Variants in SORCS2 observed in about 807,000 individuals in gnomAD.
SORCS2 encodes sortilin related VPS10 domain containing receptor 2.
In SORCS2, 100 loss-of-function variants were observed where a neutral mutation model predicts 141.6. The observed-to-expected ratio is 0.71, with a 90% CI of 0.60 to 0.83. The LOEUF is 0.83. Among genes scored for constraint, SORCS2 ranks in the 40% least tolerant of loss-of-function variants. The probability of loss-of-function intolerance (pLI) is 0.00; values close to 1 mark genes in which losing one functional copy is unlikely to be tolerated. For synonymous variants in SORCS2, 789 were observed against 676.9 expected, an observed-to-expected ratio of 1.17 and a Z score of -2.57; for missense variants, 1,646 against 1,560.2, an observed-to-expected ratio of 1.05 and a Z score of -0.93.
intron 5 of SORCS2, among the ~76,000 whole-genome samples, chr4:7,660,352 A>G (rs1284248414): frequency 6.6e-6 from 1 of 152,158 alleles, no homozygotes; most frequent in Non-Finnish European, 1.5e-5. Context: ...GGGCAGCTAC[A>G]GTGTCTCCTT....
intron 2 of SORCS2, among the ~76,000 whole-genome samples, chr4:7,478,540 C>A (rs369169049): frequency 1.3e-5 from 2 of 152,266 alleles, no homozygotes; most frequent in East Asian, 1.9e-4. Context: ...CTGTCATGTT[C>A]TCCGCTGAGT....
At chr4:7,374,107 G>T (rs971751369) in intron 1 of SORCS2, among the ~76,000 whole-genome samples, 6 of 148,366 alleles carry the variant, frequency 4.0e-5, no homozygotes, top group Non-Finnish European at 6.0e-5. Flanking sequence ...TTAGGATTGA[G>T]ATTCTTTCTT....
In SORCS2 at chr4:7,627,832, G is replaced by A. The variant is rs138706082; in HGVS notation, c.649-10496G>A. Among the ~76,000 whole-genome samples the A allele has an allele frequency of 4.5e-4, 68 of 152,362 alleles. 1 individual carries two copies. Among genetic ancestry groups the A allele is most frequent in the African/African-American group, 1.6e-3 (65 of 41,588 alleles). On this transcript the variant is annotated intron_variant, in intron 3 of 26. Coordinates refer to ENST00000507866, the MANE Select transcript of SORCS2 (RefSeq NM_020777.3). ...CCAGTGTTGGTTAGAAACCACTTTCGGTATCTGGTGGAGGAAGGGGTTTGA... is the reference window on the plus strand; with the variant it reads ...CCAGTGTTGGTTAGAAACCACTTTCAGTATCTGGTGGAGGAAGGGGTTTGA...
intron 11 of SORCS2, among the ~76,000 whole-genome samples, chr4:7,689,806 A>T (rs1472632257): frequency 6.6e-6 from 1 of 152,262 alleles, no homozygotes; most frequent in South Asian, 2.1e-4. Context: ...GGCAGAATGG[A>T]AAGATGGACA....
At chr4:7,631,214 G>C (rs541366735) in intron 3 of SORCS2, among the ~76,000 whole-genome samples, 1 of 151,788 alleles carries the variant, frequency 6.6e-6, no homozygotes, top group Admixed American at 6.6e-5. Flanking sequence ...CGTCCCGCGG[G>C]CCGGGGAAGA....
At chr4:7,543,731 T>C (rs1364723490) in intron 3 of SORCS2, among the ~76,000 whole-genome samples, 3 of 82,288 alleles carry the variant, frequency 3.6e-5, no homozygotes, top group Non-Finnish European at 4.9e-5. Context: ...CATCCACCCA[T>C]CCACCCATCC....
chr4:7,381,096 A>AAAG (rs1228900807), intron 1 of SORCS2, among the ~76,000 whole-genome samples: 1 of 151,856 alleles, frequency 6.6e-6, no homozygotes. Flanking sequence ...AAAAAAAAAA[A>AAAG]AAGGAGTGGG....
At chr4:7,415,687 G>A (rs1481345053) in intron 2 of SORCS2, among the ~76,000 whole-genome samples, 5 of 152,246 alleles carry the variant, frequency 3.3e-5, no homozygotes, top group African/African-American at 7.2e-5. Flanking sequence ...CATCTAGAAC[G>A]ATGGTCAGAA....
At chr4:7,647,096 A>T (rs1167453332) in intron 4 of SORCS2, among the ~76,000 whole-genome samples, 3 of 152,134 alleles carry the variant, frequency 2.0e-5, no homozygotes, top group African/African-American at 7.2e-5. Flanking sequence ...AGGGGACGAG[A>T]GGGAAGTAGG....
At chr4:7,540,024 C>A (rs1163907905) in intron 3 of SORCS2, among the ~76,000 whole-genome samples, 2 of 150,544 alleles carry the variant, frequency 1.3e-5, no homozygotes, top group Non-Finnish European at 3.0e-5. Context: ...GGCCCCGCCC[C>A]CTTTCTGCTG....
chr4:7,433,669 G>A (rs372450529), intron 2 of SORCS2: 16 of 1,609,708 alleles, frequency 9.9e-6, no homozygotes, highest in African/African-American at 1.3e-5. Flanking sequence ...GGAGGACACC[G>A]TGAGCAGCCT....
chr4:7,701,811 G>T (rs1725105399), intron 12 of SORCS2, among the ~76,000 whole-genome samples: 6 of 152,208 alleles, frequency 3.9e-5, no homozygotes, highest in Admixed American at 3.9e-4. Flanking sequence ...GCAGAGGGAA[G>T]ACGGGCGCAG....
At position 7,504,892 on chromosome 4, in the gene SORCS2, C is replaced by T. The variant is rs569861825; in HGVS notation, c.549-26638C>T. 2.6e-4 allele frequency among the ~76,000 whole-genome samples: 39 copies of T among 152,306 alleles called. No homozygotes were observed. In the South Asian group the frequency reaches 4.1e-3, roughly 16 times the overall value. On this transcript the variant is annotated intron_variant, in intron 2 of 26. Transcript: ENST00000507866. ...AAGGTCCATGGTGAGCAGAGAAGCT[C>T]GGGAGCCGTCTGATGGCCGTAGGCG...
chr4:7,663,216 ATGAG>A lies in SORCS2; in HGVS notation c.953-1129_953-1126del, dbSNP rs534252017. 6.6e-5 allele frequency among the ~76,000 whole-genome samples: 10 copies of A among 150,822 alleles called. No homozygotes were observed. The highest frequency in any genetic ancestry group is 4.0e-4 in the East Asian group (2 of 5,060). On this transcript the variant is annotated intron_variant, in intron 6 of 26. Transcript: ENST00000507866. The surrounding 1 kb of genome is among the most constrained non-coding windows in gnomAD (Gnocchi z 4.8). ...GAGTGAAGAGTGAATGAGTGAGTGA[ATGAG>A]TGAGTGAAGAGTGAATAAGTGAGTG...
intron 2 of SORCS2, among the ~76,000 whole-genome samples, chr4:7,502,073 G>C (rs1732009562): frequency 6.6e-6 from 1 of 152,214 alleles, no homozygotes; most frequent in Non-Finnish European, 1.5e-5. Flanking sequence ...CATGTGCCCA[G>C]GCAGGGAGGG....
chr4:7,256,941 T>C (rs1713923074), intron 1 of SORCS2, among the ~76,000 whole-genome samples: 4 of 152,024 alleles, frequency 2.6e-5, no homozygotes, highest in Admixed American at 2.6e-4. Context: ...CTAGCATCCT[T>C]TGGATGTAGG....
rs1252142925 is a variant in SORCS2 at position 7,348,116 on chromosome 4, G to A, written c.481-48172G>A. ...ATAGAGTTAATTAAGAGAGTCCCTCGTGTCAGGCCAAGGAGCCGGAGGAGC... is the reference window on the plus strand; with the variant it reads ...ATAGAGTTAATTAAGAGAGTCCCTCATGTCAGGCCAAGGAGCCGGAGGAGC... On this transcript the variant is annotated intron_variant, in intron 1 of 26. Coordinates refer to ENST00000507866, the MANE Select transcript of SORCS2 (RefSeq NM_020777.3). 5.9e-5 allele frequency among the ~76,000 whole-genome samples: 9 copies of A among 152,306 alleles called. No individual in the cohort carries two copies. The East Asian group carries it at 9.6e-4, about 16-fold the overall frequency.
intron 14 of SORCS2, among the ~76,000 whole-genome samples, chr4:7,708,233 C>T (rs558599111): frequency 6.6e-6 from 1 of 152,336 alleles, no homozygotes; most frequent in African/African-American, 2.4e-5. Context: ...CAAGAAATCA[C>T]CTGCTTAGAC....
chr4:7,357,132 A>G (rs1721298046), intron 1 of SORCS2, among the ~76,000 whole-genome samples: 1 of 152,150 alleles, frequency 6.6e-6, no homozygotes, highest in African/African-American at 2.4e-5. Flanking sequence ...CAGGTGGTGC[A>G]GCCACACTTC....
Sources: allele counts gnomAD v4.1 joint callset (sites outside exome capture counted in the v4.1 genomes callset), GRCh38; gene constraint gnomAD v4.1.1; non-coding constraint Gnocchi (gnomAD v3.1); transcripts MANE v1.5; gene names NCBI Gene and HGNC (gene_info 2026-07-23, HGNC 2026-07-21).